Variants in SYNE1 observed in about 807,000 individuals in gnomAD.
The protein encoded by SYNE1 is nesprin-1.
In SYNE1, 616 loss-of-function variants were observed where a neutral mutation model predicts 1,111.0. That is an observed-to-expected ratio of 0.55 (90% CI 0.52 to 0.59). The LOEUF (loss-of-function observed/expected upper bound fraction) is 0.59. Among genes scored for constraint, SYNE1 ranks in the 20% least tolerant of loss-of-function variants. SYNE1 has a pLI of 0.00. For synonymous variants in SYNE1, 3,855 were observed against 3,825.8 expected, an observed-to-expected ratio of 1.01 and a Z score of -0.28; for missense variants, 10,006 against 10,417.0, an observed-to-expected ratio of 0.96 and a Z score of 1.72.
chr6:152,610,840 C>A (rs552241634), intron 3 of SYNE1, among the ~76,000 whole-genome samples: 1 of 152,264 alleles, frequency 6.6e-6, no homozygotes, highest in East Asian at 1.9e-4. Flanking sequence ...GGCCAATATT[C>A]AACATTCTTA....
At chr6:152,236,012 G>C (rs996188155) in intron 110 of SYNE1, 95 bp downstream of exon 110, 2 of 1,374,952 alleles carry the variant, frequency 1.5e-6, no homozygotes, top group Non-Finnish European at 2.1e-6. Context: ...CAAGTAATGA[G>C]ATTATAGGTT....
rs981246763 is a variant in SYNE1, at chr6:152,376,493, T to C, written c.9212A>G (p.Lys3071Arg). Residue 3071 changes from lysine (K) to arginine (R), a missense_variant, in exon 58 of 146, where the codon AAG (lysine) becomes AGG (arginine). Lys to Arg is a conservative substitution (Grantham distance 26, BLOSUM62 2). Coordinates refer to ENST00000367255, the MANE Select transcript of SYNE1 (RefSeq NM_182961.4). ...KEQILQQRFR[K>R]AFRDFQQWLV... is the part of the protein sequence containing the mutation. ...CCACTGCTGGAAATCCCTGAAGGCC[T>C]TTCGAAATCTTTGCTGTAAAATCTG... is the stretch of plus-strand genomic sequence containing the variant. 1.2e-6 allele frequency: 2 copies of C among 1,614,054 alleles called. No homozygotes were observed. Among genetic ancestry groups the C allele is most frequent in the Admixed American group, 3.3e-5 (2 of 60,002 alleles).
chr6:152,493,899 T>G (rs544450949), intron 11 of SYNE1, among the ~76,000 whole-genome samples: 32 of 152,218 alleles, frequency 2.1e-4, no homozygotes, highest in Admixed American at 1.2e-3. Context: ...ACCCCATAGA[T>G]CCTAAATCCT....
At chr6:152,316,508 T>G (rs546038977) in intron 87 of SYNE1, 3 of 336,974 alleles carry the variant, frequency 8.9e-6, no homozygotes, top group Non-Finnish European at 1.7e-5. Context: ...CTTTCCACAC[T>G]TCATTGCATC....
At chr6:152,130,673 T>G (rs746546671) in intron 145 of SYNE1, 47 bp downstream of exon 145, 31 of 1,605,628 alleles carry the variant, frequency 1.9e-5, no homozygotes, top group Non-Finnish European at 2.6e-5. Flanking sequence ...ATTTTCATCA[T>G]CCTCTTGGGG....
intron 2 of SYNE1, among the ~76,000 whole-genome samples, chr6:152,629,556 G>GGGGGGGGGGGGGT (rs2099694190): frequency 7.1e-6 from 1 of 141,336 alleles, no homozygotes; most frequent in Non-Finnish European, 1.5e-5. Context: ...GGGAGGAGGG[G>GGGGGGGGGGGGGT]GTGCAGTGGG....
intron 105 of SYNE1, among the ~76,000 whole-genome samples, 175 bp downstream of exon 105, chr6:152,248,986 G>A (rs772329823): frequency 1.3e-5 from 2 of 152,182 alleles, no homozygotes; most frequent in African/African-American, 4.8e-5. Context: ...GCAGATGTAA[G>A]TAACAGAGTC....
chr6:152,325,435 C>A, intron 80 of SYNE1, 133 bp from the exon 81 acceptor site: 1 of 781,358 alleles, frequency 1.3e-6, no homozygotes, highest in Non-Finnish European at 2.1e-6. Context: ...TTATTCTCCT[C>A]TAGGTACTCT....
At chr6:152,605,841 T>TTGGATGTGTATGTGTATG (rs2099613435) in intron 3 of SYNE1, among the ~76,000 whole-genome samples, 1 of 152,210 alleles carries the variant, frequency 6.6e-6, no homozygotes, top group African/African-American at 2.4e-5. Context: ...TTTCTTTTTC[T>TTGGATGTGTATGTGTATG]TGGATGTGTA....
chr6:152,343,958 C>A (rs2096585416), intron 74 of SYNE1, 123 bp downstream of exon 74: 6 of 1,410,456 alleles, frequency 4.3e-6, no homozygotes, highest in Non-Finnish European at 5.9e-6. Context: ...AACCTCAGAC[C>A]TTCTTCCTAC....
chr6:152,139,841 C>A, intron 140 of SYNE1, 109 bp downstream of exon 140: 1 of 1,152,596 alleles, frequency 8.7e-7, no homozygotes, highest in East Asian at 2.4e-5. Context: ...TTGTTAGATC[C>A]CTTTTCTGCT....
chr6:152,584,034 T>C (rs1464132431), intron 3 of SYNE1, among the ~76,000 whole-genome samples: 1 of 152,228 alleles, frequency 6.6e-6, no homozygotes, highest in Non-Finnish European at 1.5e-5. Flanking sequence ...GAACAGAAGC[T>C]CTGGTACCAG....
intron 9 of SYNE1, among the ~76,000 whole-genome samples, chr6:152,503,047 G>A (rs912514662): frequency 2.6e-5 from 4 of 151,834 alleles, no homozygotes; most frequent in South Asian, 2.1e-4. Flanking sequence ...GGTGAGATAC[G>A]GTATGATTCC....
At chr6:152,442,499 T>A (rs2098541068) in intron 30 of SYNE1, among the ~76,000 whole-genome samples, 1 of 152,258 alleles carries the variant, frequency 6.6e-6, no homozygotes. Flanking sequence ...ATTTGGAGAA[T>A]ATTTAGCATT....
intron 98 of SYNE1, among the ~76,000 whole-genome samples, chr6:152,274,751 C>A (rs2093469150): frequency 6.6e-6 from 1 of 152,052 alleles, no homozygotes; most frequent in Non-Finnish European, 1.5e-5. Context: ...TTCCCACCAC[C>A]ACACCTGGCT....
chr6:152,153,772 A>G (rs2060863296), intron 133 of SYNE1, among the ~76,000 whole-genome samples: 1 of 152,218 alleles, frequency 6.6e-6, no homozygotes, highest in Non-Finnish European at 1.5e-5. Context: ...ATTTAGTGGT[A>G]TAGTTACATA....
At chr6:152,510,679 AAGG>A (rs1304580907) in intron 7 of SYNE1, among the ~76,000 whole-genome samples, 1 of 152,160 alleles carries the variant, frequency 6.6e-6, no homozygotes, top group Non-Finnish European at 1.5e-5. Context: ...TCATGTCTAA[AAGG>A]AGTTTAGAAG....
At chr6:152,343,248 T>C (rs2096569105) in intron 74 of SYNE1, among the ~76,000 whole-genome samples, 1 of 150,006 alleles carries the variant, frequency 6.7e-6, no homozygotes, top group Non-Finnish European at 1.5e-5. Context: ...CGCCTCCACC[T>C]CCCAGGTTCA....
chr6:152,486,917 G>A (rs746797070), intron 12 of SYNE1, among the ~76,000 whole-genome samples: 4 of 152,078 alleles, frequency 2.6e-5, no homozygotes, highest in African/African-American at 4.8e-5. Flanking sequence ...ATATGATGTC[G>A]AGTAGAATAT....
Sources: allele counts gnomAD v4.1 joint callset (sites outside exome capture counted in the v4.1 genomes callset), GRCh38; gene constraint gnomAD v4.1.1; transcripts MANE v1.5; gene names NCBI Gene and HGNC (gene_info 2026-07-23, HGNC 2026-07-21).